The following SCG3 variants were observed in gnomAD, a reference collection of about 807,000 sequenced individuals.
SCG3 encodes the protein secretogranin III.
A neutral mutation model predicts 56.2 loss-of-function variants in SCG3; 38 were observed. The observed-to-expected ratio is 0.68, with a 90% CI of 0.52 to 0.89. The LOEUF is 0.89. SCG3 is among the 40% of genes least tolerant of loss of function. The pLI, the probability that SCG3 is intolerant of heterozygous loss-of-function variation, is 0.00. For missense variants in SCG3, 524 were observed against 540.7 expected (o/e 0.97, Z 0.31); for synonymous variants, 176 against 184.2 (o/e 0.96, Z 0.36).
intron 4 of SCG3, among the ~76,000 whole-genome samples, chr15:51,683,726 A>G (rs1041520120): frequency 1.3e-5 from 2 of 152,170 alleles, no homozygotes; most frequent in African/African-American, 4.8e-5. Context: ...TTATTTTAAC[A>G]ATGAGTACAC....
intron 10 of SCG3, 106 bp downstream of exon 10, chr15:51,701,350 T>C (rs953313291): frequency 1.0e-5 from 12 of 1,173,270 alleles, no homozygotes; most frequent in South Asian, 3.2e-5. Flanking sequence ...ATCTGAGAAA[T>C]TGACACAATC....
chr15:51,683,484 G>A, intron 4 of SCG3, 50 bp downstream of exon 4: 1 of 1,175,260 alleles, frequency 8.5e-7, no homozygotes, highest in South Asian at 1.4e-5. Flanking sequence ...TCCTATAATG[G>A]GTTAAGAGAA....
Position 51,681,766 on chromosome 15 carries a change from T to C in SCG3, c.11T>C (p.Leu4Pro), listed in dbSNP as rs1178285190. ...GCCGAGCGTGGAAGAATGGGGTTCC[T>C]CGGGACCGGCACTTGGATTCTGGTG... MGF[L>P]GTGTWILVLV... The change falls in exon 1 of 12, where the codon CTC (leucine) becomes CCC (proline). Residue 4 changes from leucine to proline, a missense_variant. By Grantham distance (98) the Leu-to-Pro change is moderately conservative. Coordinates refer to ENST00000220478, the MANE Select transcript of SCG3 (RefSeq NM_013243.4). The C allele has an allele frequency of 1.2e-6, 2 of 1,614,010 alleles. No individual in the cohort carries two copies. Among genetic ancestry groups the C allele is most frequent in the Non-Finnish European group, 1.7e-6 (2 of 1,179,944 alleles).
At chr15:51,683,942 A>G (rs991209570) in intron 4 of SCG3, among the ~76,000 whole-genome samples, 1 of 152,066 alleles carries the variant, frequency 6.6e-6, no homozygotes, top group East Asian at 1.9e-4. Flanking sequence ...TTAGCTATAG[A>G]CCTATTTATC....
chr15:51,683,358 T>C lies in SCG3; in HGVS notation c.321T>C (p.Asp107=), dbSNP rs1426223042. The stretch of plus-strand genomic sequence containing the variant: ...TTGATAATAAGTTGAATGTGGAAGA[T>C]GTTGATTCAACCAAGAATCGAAAAC... ...SPLDNKLNVE[D]VDSTKNRKLI... The change falls in exon 4 of 12, where the codon GAT becomes GAC. Residue 107 remains aspartate, a synonymous_variant. Transcript: ENST00000220478. 1 of 1,613,790 alleles carries C rather than the reference T, an allele frequency of 6.2e-7. No individual in the cohort carries two copies. Among genetic ancestry groups the C allele is most frequent in the Non-Finnish European group, 8.5e-7 (1 of 1,179,734 alleles).
chr15:51,702,234 C>T (rs191707573), intron 10 of SCG3, among the ~76,000 whole-genome samples: 2 of 152,136 alleles, frequency 1.3e-5, no homozygotes, highest in East Asian at 1.9e-4. Flanking sequence ...ATATATAACA[C>T]AATTTACATC....
Position 51,686,679 on chromosome 15 carries a change from T to TTG in SCG3, c.398-1580_398-1579insGT, listed in dbSNP as rs1158901062. Among the ~76,000 whole-genome samples the TTG allele has an allele frequency of 5.4e-5, 3 of 55,428 alleles. No individual in the cohort carries two copies. In the Admixed American group the frequency reaches 5.6e-4, roughly 10 times the overall value. 36.4% of individuals were successfully genotyped at this position (55,428 alleles called of 152,430 possible). A position where few individuals can be genotyped will look rare whatever the true frequency, so the allele number is the denominator to read the frequency against. The stretch of plus-strand genomic sequence containing the variant: ...CAGCCAGCCAGGAGGAGAACTGATT[T>TTG]TATGTTTGTTTGTTTGTTTGTTTGT... On this transcript the variant is annotated intron_variant, in intron 4 of 11. Coordinates refer to ENST00000220478, the MANE Select transcript of SCG3 (RefSeq NM_013243.4).
Position 51,708,225 on chromosome 15 carries a change from A to AT in SCG3, c.1208-5107dup, listed in dbSNP as rs1383172942. 3 of 152,338 alleles carry AT rather than the reference A, an allele frequency of 2.0e-5. No individual in the cohort carries two copies. In the East Asian group the frequency reaches 5.8e-4, roughly 29 times the overall value. 9.4% of individuals were successfully genotyped at this position (152,338 alleles called of 1,614,324 possible). On this transcript the variant is annotated intron_variant, in intron 10 of 11. Coordinates refer to ENST00000220478, the MANE Select transcript of SCG3 (RefSeq NM_013243.4). ...GTCCAGCTTTCCAAAGTCGACTCTC[A>AT]TAAGGCTTTCAGTGCACACTGCGTA...
In SCG3 at chr15:51,681,767, C is replaced by T. The variant is rs11553135; in HGVS notation, c.12C>T (p.Leu4=). 3 of 1,613,976 alleles carry T rather than the reference C, an allele frequency of 1.9e-6. No homozygotes were observed. Among genetic ancestry groups the T allele is most frequent in the African/African-American group, 1.3e-5 (1 of 75,034 alleles). The change falls in exon 1 of 12, where the codon CTC becomes CTT. Residue 4 remains leucine, a synonymous_variant. Transcript: ENST00000220478. ...CCGAGCGTGGAAGAATGGGGTTCCT[C>T]GGGACCGGCACTTGGATTCTGGTGT... MGF[L]GTGTWILVLV...
intron 8 of SCG3, among the ~76,000 whole-genome samples, chr15:51,697,638 A>C (rs1490470486): frequency 6.6e-6 from 1 of 152,220 alleles, no homozygotes; most frequent in Non-Finnish European, 1.5e-5. Context: ...AATAGGCTAG[A>C]TACTCCACAA....
At chr15:51,715,996 T>G (rs1305347972) in intron 11 of SCG3, among the ~76,000 whole-genome samples, 3 of 152,160 alleles carry the variant, frequency 2.0e-5, no homozygotes, top group African/African-American at 7.2e-5. Context: ...TAGTTGGGAC[T>G]ACAGGCACCC....
chr15:51,694,924 G>A (rs1163080485), intron 7 of SCG3, among the ~76,000 whole-genome samples: 1 of 151,930 alleles, frequency 6.6e-6, no homozygotes, highest in South Asian at 2.1e-4. Context: ...CCAGCTACTC[G>A]GGAGGCTGAG....
intron 6 of SCG3, among the ~76,000 whole-genome samples, chr15:51,689,953 A>G (rs951123145): frequency 2.0e-5 from 3 of 152,220 alleles, no homozygotes; most frequent in African/African-American, 7.2e-5. Flanking sequence ...ATACATAATA[A>G]TATGTGAAGT....
chr15:51,717,374 A>C (rs1374256501), intron 11 of SCG3, among the ~76,000 whole-genome samples: 1 of 151,718 alleles, frequency 6.6e-6, no homozygotes, highest in East Asian at 1.9e-4. Flanking sequence ...TCTCAAAAAA[A>C]AAAAAAAAAT....
chr15:51,689,606 A>G (rs1190506433), intron 6 of SCG3, among the ~76,000 whole-genome samples: 1 of 152,198 alleles, frequency 6.6e-6, no homozygotes, highest in African/African-American at 2.4e-5. Context: ...ACCTGGCAAC[A>G]TAATGAGACC....
At chr15:51,696,092 C>T (rs895794087) in intron 8 of SCG3, 101 bp downstream of exon 8, 1 of 736,186 alleles carries the variant, frequency 1.4e-6, no homozygotes, top group Non-Finnish European at 2.4e-6. Context: ...TAATTTATGC[C>T]AAAGCTTTCC....
intron 10 of SCG3, among the ~76,000 whole-genome samples, chr15:51,709,701 A>ATTTTTTTTTTTTTTTT (rs869162420): frequency 4.4e-5 from 1 of 22,966 alleles, no homozygotes; most frequent in Non-Finnish European, 6.5e-5. Context: ...ATATATATAT[A>ATTTTTTTTTTTTTTTT]TTTTTTTTTT....
At chr15:51,685,677 G>A (rs1161461456) in intron 4 of SCG3, among the ~76,000 whole-genome samples, 1 of 152,186 alleles carries the variant, frequency 6.6e-6, no homozygotes, top group Admixed American at 6.5e-5. Flanking sequence ...ATCCCAGAGG[G>A]GAAGGTAAAG....
Position 51,701,164 on chromosome 15 carries a change from T to C in SCG3, c.1127T>C (p.Met376Thr), listed in dbSNP as rs1301652552. The change falls in exon 10 of 12, where the codon ATG (methionine) becomes ACG (threonine). Residue 376 changes from methionine to threonine, a missense_variant. Met to Thr is a moderately conservative substitution (Grantham distance 81). Coordinates refer to ENST00000220478, the MANE Select transcript of SCG3 (RefSeq NM_013243.4). ...AGTACCAAGGAAGAAGCAGCTAAGA[T>C]GGAAAAGGAATATGGAAGCTTGAAG... ...TDSTKEEAAK[M>T]EKEYGSLKDS... 2 of 1,613,452 alleles carry C rather than the reference T, an allele frequency of 1.2e-6. No individual in the cohort carries two copies. Among genetic ancestry groups the C allele is most frequent in the Non-Finnish European group, 1.7e-6 (2 of 1,179,844 alleles).
Sources: allele counts gnomAD v4.1 joint callset (sites outside exome capture counted in the v4.1 genomes callset), GRCh38; gene constraint gnomAD v4.1.1; transcripts MANE v1.5; gene names NCBI Gene and HGNC (gene_info 2026-07-23, HGNC 2026-07-21).